The following UBE2E2 variants were observed in gnomAD, a reference collection of about 807,000 sequenced individuals.
UBE2E2 encodes ubiquitin conjugating enzyme E2 E2, also known as ubiquitin-conjugating enzyme E2 E2.
In UBE2E2, 6 loss-of-function variants were observed where a neutral mutation model predicts 24.7. That is an observed-to-expected ratio of 0.24 (90% CI 0.13 to 0.48). The LOEUF is 0.48. Among genes scored for constraint, UBE2E2 ranks in the 20% least tolerant of loss-of-function variants. The probability of loss-of-function intolerance (pLI) is 0.99; values close to 1 mark genes in which losing one functional copy is unlikely to be tolerated. For missense variants in UBE2E2, 169 were observed against 245.0 expected, an observed-to-expected ratio of 0.69 and a Z score of 2.07; for synonymous variants, 104 against 83.6, an observed-to-expected ratio of 1.24 and a Z score of -1.33.
At chr3:23,252,745 C>A (rs1274172951) in intron 3 of UBE2E2, among the ~76,000 whole-genome samples, 1 of 152,218 alleles carries the variant, frequency 6.6e-6, no homozygotes, top group Non-Finnish European at 1.5e-5. Context: ...GATCCACCCA[C>A]CTCGGTCTCC....
intron 3 of UBE2E2, among the ~76,000 whole-genome samples, chr3:23,307,744 A>C (rs764493590): frequency 1.3e-5 from 2 of 152,198 alleles, no homozygotes; most frequent in Non-Finnish European, 2.9e-5. Context: ...TGTATATTTT[A>C]ATTAAAATAC....
chr3:23,464,726 A>T (rs906193097), intron 3 of UBE2E2, among the ~76,000 whole-genome samples: 25 of 152,328 alleles, frequency 1.6e-4, no homozygotes, highest in African/African-American at 6.0e-4. Context: ...TACTGTAATT[A>T]TGGGATAATT....
chr3:23,323,280 A>G (rs1694793761), intron 3 of UBE2E2, among the ~76,000 whole-genome samples: 1 of 152,100 alleles, frequency 6.6e-6, no homozygotes, highest in Non-Finnish European at 1.5e-5. Flanking sequence ...TATAACTTTA[A>G]TAATTTGCTC....
chr3:23,531,690 G>T (rs1285063290), intron 4 of UBE2E2, among the ~76,000 whole-genome samples: 1 of 152,146 alleles, frequency 6.6e-6, no homozygotes, highest in Non-Finnish European at 1.5e-5. Context: ...ATAGTAAATT[G>T]TAACTACTAT....
intron 3 of UBE2E2, among the ~76,000 whole-genome samples, chr3:23,431,740 A>G (rs576952392): frequency 5.9e-5 from 9 of 152,310 alleles, no homozygotes; most frequent in African/African-American, 2.2e-4. Flanking sequence ...GAAAACCACT[A>G]TATATTAGTT....
At chr3:23,490,462 G>A (rs1386721278) in intron 3 of UBE2E2, among the ~76,000 whole-genome samples, 3 of 152,144 alleles carry the variant, frequency 2.0e-5, no homozygotes, top group Non-Finnish European at 4.4e-5. Context: ...CTGCTTCCCA[G>A]TTTCTCTGCT....
chr3:23,373,803 G>A (rs1042919119), intron 3 of UBE2E2, among the ~76,000 whole-genome samples: 1 of 152,114 alleles, frequency 6.6e-6, no homozygotes, highest in Non-Finnish European at 1.5e-5. Flanking sequence ...AGTTTGGATG[G>A]TAAATTATAT....
intron 3 of UBE2E2, among the ~76,000 whole-genome samples, chr3:23,253,552 T>A (rs1268328671): frequency 6.6e-6 from 1 of 152,230 alleles, no homozygotes; most frequent in Non-Finnish European, 1.5e-5. Context: ...AGCACATTGG[T>A]ACTGTGCTTC....
intron 3 of UBE2E2, among the ~76,000 whole-genome samples, chr3:23,471,418 G>A (rs932751962): frequency 6.6e-6 from 1 of 152,118 alleles, no homozygotes; most frequent in African/African-American, 2.4e-5. Flanking sequence ...TACAAAATCA[G>A]TGTGGGATCA....
chr3:23,299,551 C>T (rs1407217026), intron 3 of UBE2E2, among the ~76,000 whole-genome samples: 1 of 152,154 alleles, frequency 6.6e-6, no homozygotes, highest in Non-Finnish European at 1.5e-5. Flanking sequence ...ACCCAGTAGT[C>T]ATTCAGGAGC....
chr3:23,211,346 C>G (rs774748331), intron 2 of UBE2E2, among the ~76,000 whole-genome samples: 11 of 151,498 alleles, frequency 7.3e-5, no homozygotes, highest in Non-Finnish European at 1.5e-4. Context: ...AGCTTGAACT[C>G]TAGAGACAGC....
At chr3:23,399,525 G>T (rs139499054) in intron 3 of UBE2E2, among the ~76,000 whole-genome samples, 2 of 152,084 alleles carry the variant, frequency 1.3e-5, no homozygotes, top group African/African-American at 2.4e-5. Flanking sequence ...AGTAATTGTG[G>T]TTTTGCCATT....
intron 5 of UBE2E2, among the ~76,000 whole-genome samples, chr3:23,571,904 C>G (rs1473100393): frequency 2.0e-5 from 3 of 152,164 alleles, no homozygotes; most frequent in African/African-American, 7.2e-5. Flanking sequence ...AAGGTAGTAG[C>G]TCAGTATTCC....
intron 3 of UBE2E2, among the ~76,000 whole-genome samples, chr3:23,238,616 G>A (rs565998891): frequency 6.6e-6 from 1 of 152,104 alleles, no homozygotes; most frequent in African/African-American, 2.4e-5. Flanking sequence ...TGAGATGCTT[G>A]GGACCAAAAG....
chr3:23,564,863 A>C (rs148595549), intron 5 of UBE2E2, among the ~76,000 whole-genome samples: 189 of 152,286 alleles, frequency 1.2e-3, no homozygotes, highest in African/African-American at 4.2e-3. Flanking sequence ...TTAAAACACC[A>C]ATGAGGGTCA....
At chr3:23,246,387 ATTTTTTTTTTTT>A (rs35802594) in intron 3 of UBE2E2, among the ~76,000 whole-genome samples, 1 of 122,474 alleles carries the variant, frequency 8.2e-6, no homozygotes, top group Non-Finnish European at 1.7e-5. Context: ...TGCCTGGCTA[ATTTTTTTTTTTT>A]TTTTTTTTTG....
At chr3:23,561,968 G>A (rs1695942368) in intron 5 of UBE2E2, among the ~76,000 whole-genome samples, 1 of 152,170 alleles carries the variant, frequency 6.6e-6, no homozygotes, top group Non-Finnish European at 1.5e-5. Context: ...AAGATTTTGG[G>A]CTGAGACAAT....
rs12054273 is a variant in UBE2E2 at position 23,527,480 on chromosome 3, C to T, written c.361-5074C>T. ...ATTTTTGGCACAAAGCTACTAAAAG[C>T]CTTGCGATCTCAGAAATGTTAAGTG... On this transcript the variant is annotated intron_variant, in intron 4 of 5. Coordinates refer to ENST00000396703, the MANE Select transcript of UBE2E2 (RefSeq NM_152653.4). Among the ~76,000 whole-genome samples the T allele has an allele frequency of 1.2e-4, 19 of 152,214 alleles. No homozygotes were observed. The East Asian group carries it at 3.5e-3, about 28-fold the overall frequency.
chr3:23,582,352 T>C (rs554889859), intron 5 of UBE2E2, among the ~76,000 whole-genome samples: 5 of 152,322 alleles, frequency 3.3e-5, no homozygotes, highest in South Asian at 2.1e-4. Flanking sequence ...CTGATGTGAA[T>C]AGGGCCATGG....
Sources: gnomAD v4.1 joint callset for allele counts (sites outside exome capture counted in the v4.1 genomes callset) on GRCh38, gnomAD v4.1.1 for gene constraint, MANE v1.5 for transcripts, NCBI Gene and HGNC (gene_info 2026-07-23, HGNC 2026-07-21) for gene names.